TRPV3: variants seen among roughly 807,000 people sequenced by gnomAD.
TRPV3 encodes VRL-3.
In TRPV3, 88 loss-of-function variants were observed where a neutral mutation model predicts 87.1. The observed-to-expected ratio is 1.01, with a 90% CI of 0.85 to 1.21. The LOEUF is 1.21. TRPV3 is among the 50% of genes most tolerant of loss of function. The pLI is 0.00. For synonymous variants in TRPV3, 438 were observed against 423.3 expected (o/e 1.03, Z -0.43); for missense variants, 1,054 against 1,030.1 (o/e 1.02, Z -0.32).
chr17:3,544,358 C>T (rs1041221352), intron 4 of TRPV3, among the ~76,000 whole-genome samples: 1 of 152,170 alleles, frequency 6.6e-6, no homozygotes, highest in Non-Finnish European at 1.5e-5. Flanking sequence ...TTTTCCACTG[C>T]ATCCTGCTGT....
chr17:3,531,060 A>AC (rs1440611873), intron 8 of TRPV3, among the ~76,000 whole-genome samples: 2 of 149,122 alleles, frequency 1.3e-5, no homozygotes, highest in Non-Finnish European at 2.9e-5. Flanking sequence ...TAGTCTCAAA[A>AC]AAAACAAAAC....
chr17:3,529,589 C>G (rs1318152783), intron 9 of TRPV3, among the ~76,000 whole-genome samples: 1 of 152,162 alleles, frequency 6.6e-6, no homozygotes, highest in Admixed American at 6.5e-5. Context: ...AGGAAGGCCC[C>G]CCGATTGCTC....
chr17:3,541,461 G>A lies in TRPV3; in HGVS notation c.643+1061C>T, dbSNP rs374349139. ...TAATTGAGTCAATCGCTTTTGCCAC[G>A]AGCACCTCATAAGACCGTAAAGCGC... On this transcript the variant is annotated intron_variant, in intron 6 of 17. Coordinates refer to ENST00000576742, the MANE Select transcript of TRPV3 (RefSeq NM_145068.4). Among the ~76,000 whole-genome samples the A allele has an allele frequency of 1.1e-3, 172 of 152,176 alleles. 4 individuals carry two copies. The South Asian group carries it at 0.033, about 29-fold the overall frequency.
In TRPV3 at chr17:3,532,729, C is replaced by CG. The variant is rs1567637905; in HGVS notation, c.992_993insC (p.Trp331CysfsTer34). The CG allele has an allele frequency of 1.2e-6, 2 of 1,614,262 alleles. No individual in the cohort carries two copies. Among genetic ancestry groups the CG allele is most frequent in the Non-Finnish European group, 1.7e-6 (2 of 1,180,054 alleles). ...CGTTGTTGCGAGTGGTCTCCAGCTC[C>CG]CAGTTGCCACTCCGCAGTAGGATCA... On this transcript the variant is annotated frameshift_variant, in exon 8 of 18. Transcript: ENST00000576742. LOFTEE classifies it high-confidence loss of function.
At chr17:3,551,672 C>T (rs2074575803) in intron 2 of TRPV3, among the ~76,000 whole-genome samples, 1 of 151,552 alleles carries the variant, frequency 6.6e-6, no homozygotes, top group Non-Finnish European at 1.5e-5. Flanking sequence ...GTATCTCTGT[C>T]TCTGGGCATC....
rs34610978 is a variant in TRPV3, at chr17:3,517,619, C to CAA, written c.2085+955_2085+956dup. Reference sequence around the variant, plus strand: ...TGGGCAACAGAGCAAGACCCTGTCTCAAAAAAAAAAAAAAAAAAAAAAGGA... The same window carrying CAA: ...TGGGCAACAGAGCAAGACCCTGTCTCAAAAAAAAAAAAAAAAAAAAAAAAGGA... On this transcript the variant is annotated intron_variant, in intron 15 of 17. Coordinates refer to ENST00000576742, the MANE Select transcript of TRPV3 (RefSeq NM_145068.4). Among the ~76,000 whole-genome samples the CAA allele has an allele frequency of 8.4e-3, 540 of 64,220 alleles. 9 individuals carry two copies. Among genetic ancestry groups the CAA allele is most frequent in the East Asian group, 0.019 (34 of 1,810 alleles). The allele number at this position is 64,220 out of a possible 152,430, so 42.1% of individuals were successfully genotyped here. A position where few individuals can be genotyped will look rare whatever the true frequency, so the allele number is the denominator to read the frequency against.
intron 13 of TRPV3, among the ~76,000 whole-genome samples, chr17:3,522,780 G>A (rs1428317939): frequency 1.4e-5 from 2 of 145,950 alleles, no homozygotes; most frequent in Non-Finnish European, 3.0e-5. Context: ...TTGCACTATT[G>A]CACTCCAGCC....
Position 3,513,399 on chromosome 17 carries a change from A to C in TRPV3, c.*518T>G, listed in dbSNP as rs2074140060. 6.5e-6 allele frequency: 1 copy of C among 153,388 alleles called. No individual in the cohort carries two copies. The highest frequency in any genetic ancestry group is 2.4e-5 in the African/African-American group (1 of 41,418). The allele number at this position is 153,388 out of a possible 1,614,324, so 9.5% of individuals were successfully genotyped here. ...GAGCGCATTCCCCTCCTCCCCCAGG[A>C]TATCCAGCTTACCTCCGTCCCCCGC... On this transcript the variant is annotated 3_prime_UTR_variant, in exon 18 of 18. Transcript: ENST00000576742.
chr17:3,544,889 C>T (rs1316172343), intron 3 of TRPV3, among the ~76,000 whole-genome samples: 1 of 152,136 alleles, frequency 6.6e-6, no homozygotes, highest in Non-Finnish European at 1.5e-5. Flanking sequence ...TGGCATGTGC[C>T]TGTAATCCCA....
intron 14 of TRPV3, among the ~76,000 whole-genome samples, chr17:3,519,974 T>A (rs201674511): frequency 6.0e-5 from 7 of 116,944 alleles, no homozygotes; most frequent in African/African-American, 1.5e-4. Flanking sequence ...GGATGAATGA[T>A]TGGATGGATG....
At chr17:3,519,912 G>GGATC (rs2074230293) in intron 14 of TRPV3, among the ~76,000 whole-genome samples, 1 of 147,098 alleles carries the variant, frequency 6.8e-6, no homozygotes, top group Non-Finnish European at 1.5e-5. Context: ...TTAGATGGAT[G>GGATC]GATGGATGGA....
chr17:3,525,415 A>G (rs1338842984), intron 12 of TRPV3, among the ~76,000 whole-genome samples: 5 of 152,140 alleles, frequency 3.3e-5, no homozygotes, highest in African/African-American at 1.2e-4. Flanking sequence ...ACAGAGAAAG[A>G]TGGAAGAATG....
rs937210758 is a variant in TRPV3, at chr17:3,533,636, C to T, written c.785-699G>A. On this transcript the variant is annotated intron_variant, in intron 7 of 17. Coordinates refer to ENST00000576742, the MANE Select transcript of TRPV3 (RefSeq NM_145068.4). ...GCCTCAGCCTCCTGAGTAGCTGGGA[C>T]TACAGGCGCCCGCCACCACGCCCGG... 5.3e-5 allele frequency among the ~76,000 whole-genome samples: 8 copies of T among 151,962 alleles called. No individual in the cohort carries two copies. In the South Asian group the frequency reaches 1.7e-3, roughly 32 times the overall value.
chr17:3,538,086 T>C (rs1015436391), intron 6 of TRPV3, among the ~76,000 whole-genome samples: 1 of 150,270 alleles, frequency 6.7e-6, no homozygotes, highest in African/African-American at 2.5e-5. Flanking sequence ...TAGTCCCAGC[T>C]ACTCGGGAGG....
In TRPV3 at chr17:3,544,890, T is replaced by C. The variant is rs991228033; in HGVS notation, c.225-225A>G. 2.0e-5 allele frequency among the ~76,000 whole-genome samples: 3 copies of C among 152,306 alleles called. No homozygotes were observed. In the East Asian group the frequency reaches 5.8e-4, roughly 29 times the overall value. On this transcript the variant is annotated intron_variant, in intron 3 of 17. Coordinates refer to ENST00000576742, the MANE Select transcript of TRPV3 (RefSeq NM_145068.4). ...CTAGCCAGGCGTGGTGGCATGTGCC[T>C]GTAATCCCAGCTACTTGGGAGGCTG...
chr17:3,535,726 C>A lies in TRPV3; in HGVS notation c.644-13G>T, dbSNP rs1419953657. ...AGCGCCGTCTGCCCTGCGGAGCGGG[C>A]GGGGACGCGCGGGAGCCTCAGCGCC... On this transcript the variant is annotated splice_polypyrimidine_tract_variant and intron_variant, in intron 6 of 17. Transcript: ENST00000576742. 7 of 1,468,712 alleles carry A rather than the reference C, an allele frequency of 4.8e-6. No homozygotes were observed. In the East Asian group the frequency reaches 1.9e-4, roughly 40 times the overall value. The allele number at this position is 1,468,712 out of a possible 1,614,324, so 91.0% of individuals were successfully genotyped here.
At chr17:3,534,316 C>T (rs763328485) in intron 7 of TRPV3, among the ~76,000 whole-genome samples, 7 of 152,048 alleles carry the variant, frequency 4.6e-5, no homozygotes, top group African/African-American at 7.2e-5. Flanking sequence ...TCGCTTGAAC[C>T]CAGGAGGCAG....
intron 8 of TRPV3, among the ~76,000 whole-genome samples, chr17:3,532,103 G>A (rs1426725093): frequency 6.6e-6 from 1 of 152,214 alleles, no homozygotes; most frequent in Admixed American, 6.5e-5. Flanking sequence ...TCTGAGCCCA[G>A]CCCTGCTCAA....
intron 13 of TRPV3, among the ~76,000 whole-genome samples, chr17:3,523,632 T>C (rs2074266174): frequency 6.6e-6 from 1 of 150,458 alleles, no homozygotes; most frequent in East Asian, 2.0e-4. Flanking sequence ...GCAGGAGAAC[T>C]GCTTGAACCC....
Sources: allele counts gnomAD v4.1 joint callset (sites outside exome capture counted in the v4.1 genomes callset), GRCh38; gene constraint gnomAD v4.1.1; transcripts MANE v1.5; gene names NCBI Gene and HGNC (gene_info 2026-07-23, HGNC 2026-07-21).